The following IQANK1 variants were observed in gnomAD, a reference collection of about 807,000 sequenced individuals.
The protein encoded by IQANK1 is IQ motif and ankyrin repeat containing 1.
IQANK1 carries 30 observed loss-of-function variants against 22.6 expected under a neutral mutation model. That is an observed-to-expected ratio of 1.33 (90% CI 0.99 to 1.80). The LOEUF is 1.80. Among genes scored for constraint, IQANK1 ranks in the 40% most tolerant of loss-of-function variants. The pLI, the probability that IQANK1 is intolerant of heterozygous loss-of-function variation, is 0.00. For synonymous variants in IQANK1, 122 were observed against 99.6 expected (o/e 1.23, Z -1.34); for missense variants, 275 against 235.2 (o/e 1.17, Z -1.11).
intron 3 of IQANK1, among the ~76,000 whole-genome samples, chr8:143,755,809 G>A (rs1819279999): frequency 6.6e-6 from 1 of 152,238 alleles, no homozygotes; most frequent in South Asian, 2.1e-4. Flanking sequence ...CCTGCTGGCA[G>A]GTGGCTGAGC....
At chr8:143,789,404 C>T (rs1172786386) in intron 9 of IQANK1, 32 bp from the exon 10 acceptor site, 9 of 1,162,898 alleles carry the variant, frequency 7.7e-6, no homozygotes, top group Non-Finnish European at 9.7e-6. Context: ...TACTGGCCAG[C>T]CTTGCCAGGG....
intron 3 of IQANK1, among the ~76,000 whole-genome samples, chr8:143,760,088 A>G (rs1554628770): frequency 6.6e-6 from 1 of 152,134 alleles, no homozygotes; most frequent in Non-Finnish European, 1.5e-5. Context: ...TTTGGCATTC[A>G]CCAAAATCAG....
rs894299926 is a variant in IQANK1, at chr8:143,790,462, G to A, written c.1537G>A (p.Gly513Arg). ...CCTGTCGCTGCTGCGGCCCACGGAC[G>A]GGCCTGAGTATAGCCCCACGCAGTT... Reference protein sequence around the residue: ...RYLSLLRPTDGPEYSPTQFQE... With the variant: ...RYLSLLRPTDRPEYSPTQFQE... Residue 513 changes from glycine (G) to arginine (R), a missense_variant, in exon 14 of 14, where the codon GGG becomes AGG. Transcript: ENST00000527139. 6 of 449,480 alleles carry A rather than the reference G, an allele frequency of 1.3e-5. No individual in the cohort carries two copies. The highest frequency in any genetic ancestry group is 6.1e-5 in the African/African-American group (3 of 49,440). 27.8% of individuals were successfully genotyped at this position (449,480 alleles called of 1,614,324 possible).
chr8:143,738,005 G>T (rs1039735261), intron 2 of IQANK1, among the ~76,000 whole-genome samples: 1 of 152,176 alleles, frequency 6.6e-6, no homozygotes, highest in Non-Finnish European at 1.5e-5. Flanking sequence ...GGCCGGCACC[G>T]GTCTCGAGGC....
At position 143,757,293 on chromosome 8, in the gene IQANK1, G is replaced by A. The variant is rs185897680; in HGVS notation, c.176-14195G>A. On this transcript the variant is annotated intron_variant, in intron 3 of 13. Transcript: ENST00000527139. Reference sequence around the variant, plus strand: ...AAAAAGCACATAGGCCTGCAGATACGCCCGGTTTATAGTGGCAGGTAGTGT... The same window carrying A: ...AAAAAGCACATAGGCCTGCAGATACACCCGGTTTATAGTGGCAGGTAGTGT... 6.6e-5 allele frequency among the ~76,000 whole-genome samples: 10 copies of A among 152,046 alleles called. No individual in the cohort carries two copies. In the East Asian group the frequency reaches 9.7e-4, roughly 15 times the overall value.
chr8:143,749,128 T>C (rs1267161099), intron 3 of IQANK1, among the ~76,000 whole-genome samples: 2 of 123,106 alleles, frequency 1.6e-5, no homozygotes, highest in African/African-American at 3.3e-5. Context: ...ATATATAGCA[T>C]ATATGATATA....
At chr8:143,759,100 T>C in intron 3 of IQANK1, 1 of 323,926 alleles carries the variant, frequency 3.1e-6, no homozygotes, top group South Asian at 3.2e-5. Context: ...ATACTGATCT[T>C]CGACTGCCAT....
In IQANK1 at chr8:143,735,458, G is replaced by A. The variant is rs1818709560; in HGVS notation, c.-4-392G>A. ...CCCAGGGCAGTGGAGAGGCATGGAG[G>A]CTTCAGCAGAGAGGGCCATGCTCAT... On this transcript the variant is annotated intron_variant, in intron 1 of 13. Coordinates refer to ENST00000527139, the MANE Select transcript of IQANK1 (RefSeq NM_001381874.1). The surrounding 1 kb of genome is among the most constrained non-coding windows in gnomAD (Gnocchi z 5.2). Among the ~76,000 whole-genome samples the A allele has an allele frequency of 6.6e-6, 1 of 151,816 alleles. No individual in the cohort carries two copies. Among genetic ancestry groups the A allele is most frequent in the African/African-American group, 2.4e-5 (1 of 41,100 alleles).
chr8:143,771,748 G>A lies in IQANK1; in HGVS notation c.307-53G>A. The A allele has an allele frequency of 2.5e-6, 1 of 397,348 alleles. No individual in the cohort carries two copies. Among genetic ancestry groups the A allele is most frequent in the South Asian group, 1.3e-4 (1 of 7,756 alleles). The allele number at this position is 397,348 out of a possible 1,614,324, so 24.6% of individuals were successfully genotyped here. On this transcript the variant is annotated intron_variant, in intron 4 of 13. Coordinates refer to ENST00000527139, the MANE Select transcript of IQANK1 (RefSeq NM_001381874.1). The surrounding 1 kb of genome is among the most constrained non-coding windows in gnomAD (Gnocchi z 6.0). ...CTCAGAGGCGTGGACCGTGGCCTCG[G>A]GGCTCGGGGCGGTGGCGCGGAGTGG...
At chr8:143,764,733 T>A (rs1329480561) in intron 3 of IQANK1, among the ~76,000 whole-genome samples, 1 of 152,210 alleles carries the variant, frequency 6.6e-6, no homozygotes, top group Non-Finnish European at 1.5e-5. Context: ...CAGAAAGAGA[T>A]GGAGAGAGAG....
At chr8:143,742,361 G>T in intron 3 of IQANK1, 2 of 455,802 alleles carry the variant, frequency 4.4e-6, no homozygotes, top group Non-Finnish European at 8.8e-6. Flanking sequence ...TACAGCATGC[G>T]GGGGAGGTCA....
At chr8:143,770,440 G>A (rs1563776300) in intron 3 of IQANK1, among the ~76,000 whole-genome samples, 1 of 152,190 alleles carries the variant, frequency 6.6e-6, no homozygotes. Context: ...CTCCTTCGCT[G>A]TGATTTTCCC....
At chr8:143,743,890 T>G in intron 3 of IQANK1, 1 of 428,468 alleles carries the variant, frequency 2.3e-6, no homozygotes, top group Non-Finnish European at 4.6e-6. Context: ...CAGGCTGGAG[T>G]GCACTGGGGC....
intron 2 of IQANK1, 133 bp from the exon 3 acceptor site, chr8:143,739,726 G>A (rs782273146): frequency 6.6e-5 from 38 of 576,286 alleles, no homozygotes; most frequent in Middle Eastern, 3.1e-4. Context: ...TGCTTCCCTC[G>A]GGAGGAGGCC....
intron 3 of IQANK1, among the ~76,000 whole-genome samples, chr8:143,754,847 C>T (rs782031344): frequency 6.6e-6 from 1 of 152,052 alleles, no homozygotes; most frequent in Non-Finnish European, 1.5e-5. Context: ...AGGATGGTCT[C>T]GATCTCTTGA....
intron 2 of IQANK1, chr8:143,739,454 A>G (rs1020635256): frequency 2.9e-5 from 5 of 170,672 alleles, no homozygotes; most frequent in Non-Finnish European, 6.2e-5. Context: ...GGAGTGCCGA[A>G]TTGGACACAC....
chr8:143,762,559 C>A (rs1474931672), intron 3 of IQANK1, among the ~76,000 whole-genome samples: 1 of 152,146 alleles, frequency 6.6e-6, no homozygotes, highest in Non-Finnish European at 1.5e-5. Context: ...CTCAGGGGTG[C>A]TGAGACCACC....
rs77158361 is a variant in IQANK1, at chr8:143,734,489, T to C, written c.-5+270T>C. On this transcript the variant is annotated intron_variant, in intron 1 of 13. Transcript: ENST00000527139. ...GGACTCTGCCGCAGTGACCCCCCCA[T>C]GCACATGCGGACCCCGAATGACCTG... 4.9e-4 allele frequency among the ~76,000 whole-genome samples: 71 copies of C among 145,088 alleles called. No homozygotes were observed. The East Asian group carries it at 0.012, about 25-fold the overall frequency.
intron 3 of IQANK1, among the ~76,000 whole-genome samples, chr8:143,754,719 G>A (rs1554628355): frequency 6.6e-6 from 1 of 152,038 alleles, no homozygotes; most frequent in Non-Finnish European, 1.5e-5. Flanking sequence ...TCCGCCTTCT[G>A]GGTTCACGAC....
Sources: gnomAD v4.1 joint callset for allele counts (sites outside exome capture counted in the v4.1 genomes callset) on GRCh38, gnomAD v4.1.1 for gene constraint, Gnocchi (gnomAD v3.1) non-coding constraint, MANE v1.5 for transcripts, NCBI Gene and HGNC (gene_info 2026-07-23, HGNC 2026-07-21) for gene names.